Variants in FARS2 observed in about 807,000 individuals in gnomAD.
The protein encoded by FARS2 is phenylalanyl-tRNA synthetase 2, mitochondrial.
A neutral mutation model predicts 46.4 loss-of-function variants in FARS2; 40 were observed. That is an observed-to-expected ratio of 0.86 (90% CI 0.67 to 1.12). The LOEUF (loss-of-function observed/expected upper bound fraction) is 1.12, where lower values mean the gene tolerates loss of function less well. FARS2 is among the 50% of genes most tolerant of loss of function. FARS2 has a pLI of 0.00. For synonymous variants in FARS2, 234 were observed against 214.9 expected (o/e 1.09, Z -0.78); for missense variants, 513 against 567.9 (o/e 0.90, Z 0.98).
At chr6:5,688,186 C>G (rs1278795340) in intron 6 of FARS2, among the ~76,000 whole-genome samples, 2 of 152,180 alleles carry the variant, frequency 1.3e-5, no homozygotes, top group East Asian at 1.9e-4. Flanking sequence ...ATTGAATACA[C>G]TTTATTTCCT....
At chr6:5,379,090 T>A (rs1759583734) in intron 2 of FARS2, among the ~76,000 whole-genome samples, 1 of 152,224 alleles carries the variant, frequency 6.6e-6, no homozygotes, top group South Asian at 2.1e-4. Flanking sequence ...AGCAACTCAC[T>A]GCCTTGAAAT....
At chr6:5,393,021 A>G (rs1760669163) in intron 2 of FARS2, among the ~76,000 whole-genome samples, 1 of 151,184 alleles carries the variant, frequency 6.6e-6, no homozygotes, top group East Asian at 1.9e-4. Flanking sequence ...ATGTAAAATA[A>G]GTTTTCACAA....
chr6:5,385,796 A>G (rs1459702561), intron 2 of FARS2, among the ~76,000 whole-genome samples: 1 of 152,162 alleles, frequency 6.6e-6, no homozygotes, highest in Non-Finnish European at 1.5e-5. Context: ...TATGTGAACC[A>G]AGGATTAATA....
At position 5,368,651 on chromosome 6, in the gene FARS2, T is replaced by A; in HGVS notation, c.81T>A (p.His27Gln). 2 of 1,614,146 alleles carry A rather than the reference T, an allele frequency of 1.2e-6. No homozygotes were observed. The highest frequency in any genetic ancestry group is 8.5e-7 in the Non-Finnish European group (1 of 1,180,028). Reference sequence around the variant, plus strand: ...AGGCCAGTCACATCTCCAGAGGCCATCAGCACCAGGCCTGGGGATCGAGGC... The same window carrying A: ...AGGCCAGTCACATCTCCAGAGGCCAACAGCACCAGGCCTGGGGATCGAGGC... ...VSKASHISRG[H>Q]QHQAWGSRPP... Residue 27 changes from histidine (H) to glutamine (Q), a missense_variant, in exon 2 of 7, where the codon CAT (histidine) becomes CAA (glutamine). By Grantham distance (24) the His-to-Gln change is conservative. Transcript: ENST00000274680.
chr6:5,346,054 C>T (rs987879874), intron 1 of FARS2, among the ~76,000 whole-genome samples: 1 of 152,170 alleles, frequency 6.6e-6, no homozygotes, highest in East Asian at 1.9e-4. Context: ...CTGGCCGGGG[C>T]GTCCTGTCCA....
chr6:5,755,713 G>A lies in FARS2; in HGVS notation c.1218-15578G>A, dbSNP rs1039085827. On this transcript the variant is annotated intron_variant, in intron 6 of 6. Coordinates refer to ENST00000274680, the MANE Select transcript of FARS2 (RefSeq NM_006567.5). ...CATGTGTTCTGTAATTTGGGGCCTT[G>A]AGGTTATGTTCATTGGAGCATATCC... 1.4e-4 allele frequency among the ~76,000 whole-genome samples: 22 copies of A among 152,126 alleles called. 2 individuals are homozygous for A. Among genetic ancestry groups the A allele is most frequent in the Admixed American group, 1.4e-3 (22 of 15,272 alleles).
intron 6 of FARS2, among the ~76,000 whole-genome samples, chr6:5,725,343 G>A (rs1228805440): frequency 6.6e-6 from 1 of 152,216 alleles, no homozygotes; most frequent in East Asian, 1.9e-4. Flanking sequence ...AAGTGCCAGA[G>A]TAAGAAGTTG....
At chr6:5,313,090 ACAAC>A in intron 1 of FARS2, among the ~76,000 whole-genome samples, 1 of 152,346 alleles carries the variant, frequency 6.6e-6, no homozygotes, top group South Asian at 2.1e-4. Flanking sequence ...TCAGCAAAGT[ACAAC>A]CAACCAACAC....
At chr6:5,482,232 A>T (rs1380705892) in intron 4 of FARS2, among the ~76,000 whole-genome samples, 3 of 152,162 alleles carry the variant, frequency 2.0e-5, no homozygotes, top group African/African-American at 7.2e-5. Flanking sequence ...TTCTGGTATC[A>T]GTATTTGATA....
chr6:5,317,545 C>A (rs1464301411), intron 1 of FARS2, among the ~76,000 whole-genome samples: 3 of 152,068 alleles, frequency 2.0e-5, no homozygotes, highest in Non-Finnish European at 2.9e-5. Flanking sequence ...CTTTGGGAGG[C>A]CGGGGCAAGA....
At chr6:5,626,302 A>C (rs1400237256) in intron 6 of FARS2, among the ~76,000 whole-genome samples, 2 of 152,100 alleles carry the variant, frequency 1.3e-5, no homozygotes, top group African/African-American at 2.4e-5. Flanking sequence ...CAGATATCCC[A>C]AGTGCATCGC....
At chr6:5,758,777 G>A (rs553608080) in intron 6 of FARS2, among the ~76,000 whole-genome samples, 1 of 152,250 alleles carries the variant, frequency 6.6e-6, no homozygotes, top group Admixed American at 6.5e-5. Context: ...GTTAAAAAAT[G>A]GAGTCAATTT....
In FARS2 at chr6:5,341,216, T is replaced by TAG. The variant is rs1771576530; in HGVS notation, c.-21-27333_-21-27332insGA. Among the ~76,000 whole-genome samples the TAG allele has an allele frequency of 4.3e-4, 3 of 6,942 alleles. 1 individual carries two copies. The highest frequency in any genetic ancestry group is 6.5e-4 in the Non-Finnish European group (2 of 3,076). 4.6% of individuals were successfully genotyped at this position (6,942 alleles called of 152,430 possible). ...ATATATATATATATATATATATATA[T>TAG]ATATATATATATATATATATTTTTT... On this transcript the variant is annotated intron_variant, in intron 1 of 6. Coordinates refer to ENST00000274680, the MANE Select transcript of FARS2 (RefSeq NM_006567.5).
intron 5 of FARS2, chr6:5,609,585 A>G: frequency 7.8e-7 from 1 of 1,278,882 alleles, no homozygotes; most frequent in Middle Eastern, 2.6e-4. Flanking sequence ...ACCACCACCA[A>G]AGTTTCCAGA....
chr6:5,468,368 G>A (rs200328184), intron 4 of FARS2, among the ~76,000 whole-genome samples: 1,464 of 143,102 alleles, frequency 0.01, 21 homozygotes, highest in African/African-American at 0.037. Flanking sequence ...AAAAAAAAAA[G>A]AAAGAAAAAA....
intron 1 of FARS2, among the ~76,000 whole-genome samples, chr6:5,320,958 G>A (rs1482273846): frequency 6.6e-6 from 1 of 152,174 alleles, no homozygotes; most frequent in Non-Finnish European, 1.5e-5. Flanking sequence ...ATTCATGAGG[G>A]CTCTGCCATT....
chr6:5,355,435 C>A (rs1757856162), intron 1 of FARS2, among the ~76,000 whole-genome samples: 1 of 148,914 alleles, frequency 6.7e-6, no homozygotes, highest in Non-Finnish European at 1.5e-5. Flanking sequence ...CAACTCACTG[C>A]AACCTCTGCC....
intron 5 of FARS2, among the ~76,000 whole-genome samples, chr6:5,582,826 G>A (rs1373655004): frequency 6.6e-6 from 1 of 152,228 alleles, no homozygotes; most frequent in African/African-American, 2.4e-5. Flanking sequence ...ATGGAATACT[G>A]AAGTTTATGA....
chr6:5,524,311 A>G (rs1769330993), intron 4 of FARS2, among the ~76,000 whole-genome samples: 1 of 152,230 alleles, frequency 6.6e-6, no homozygotes, highest in African/African-American at 2.4e-5. Context: ...CTGTGAGGGC[A>G]CTGAGTGCCT....
Sources: allele counts gnomAD v4.1 joint callset (sites outside exome capture counted in the v4.1 genomes callset), GRCh38; gene constraint gnomAD v4.1.1; transcripts MANE v1.5; gene names NCBI Gene and HGNC (gene_info 2026-07-23, HGNC 2026-07-21).